ATP10B: variants seen among roughly 807,000 people sequenced by gnomAD.
The protein encoded by ATP10B is ATPase phospholipid transporting 10B (putative), also known as phospholipid-transporting ATPase VB.
ATP10B carries 122 observed loss-of-function variants against 141.2 expected under a neutral mutation model. The ratio of observed to expected loss-of-function variants is 0.86; its 90% confidence interval spans 0.75 to 1.00. The LOEUF (loss-of-function observed/expected upper bound fraction) is 1.00, where lower values mean the gene tolerates loss of function less well. Among genes scored for constraint, ATP10B ranks in the 50% least tolerant of loss-of-function variants. The pLI is 0.00. For missense variants in ATP10B, 1,876 were observed against 1,825.3 expected, an observed-to-expected ratio of 1.03 and a Z score of -0.51; for synonymous variants, 685 against 692.0, an observed-to-expected ratio of 0.99 and a Z score of 0.16.
At chr5:160,817,427 A>C (rs1157877461) in intron 1 of ATP10B, among the ~76,000 whole-genome samples, 1 of 152,224 alleles carries the variant, frequency 6.6e-6, no homozygotes, top group Non-Finnish European at 1.5e-5. Flanking sequence ...TAAAATACCT[A>C]GGAATCCAAC....
Position 160,617,941 on chromosome 5 carries a change from T to C in ATP10B, c.2449A>G (p.Lys817Glu), listed in dbSNP as rs753787811. ...TGCTTTTGGGTCCGGGCTCGGATTT[T>C]TCTCAGCTTCTTTTCCATATTAATG... Reference protein sequence around the residue: ...PDINMEKKLRKIRARTQKHLD... With the variant: ...PDINMEKKLREIRARTQKHLD... Residue 817 changes from lysine (K) to glutamate (E), a missense_variant, in exon 16 of 26, where the codon AAA (lysine) becomes GAA (glutamate). Transcript: ENST00000327245. 2 of 1,614,090 alleles carry C rather than the reference T, an allele frequency of 1.2e-6. No homozygotes were observed. Among genetic ancestry groups the C allele is most frequent in the African/African-American group, 1.3e-5 (1 of 74,942 alleles).
At chr5:160,715,864 C>T (rs1765615658) in intron 3 of ATP10B, among the ~76,000 whole-genome samples, 1 of 152,026 alleles carries the variant, frequency 6.6e-6, no homozygotes, top group South Asian at 2.1e-4. Flanking sequence ...GTGCCTACCA[C>T]TACGCCTGGC....
intron 1 of ATP10B, among the ~76,000 whole-genome samples, chr5:160,825,843 G>T (rs1774561529): frequency 6.6e-6 from 1 of 152,058 alleles, no homozygotes. Flanking sequence ...AGTGTCTATT[G>T]TTCCCATGTT....
In ATP10B at chr5:160,688,760, C is replaced by T; in HGVS notation, c.-21G>A. 2 of 985,376 alleles carry T rather than the reference C, an allele frequency of 2.0e-6. No homozygotes were observed. Among genetic ancestry groups the T allele is most frequent in the Non-Finnish European group, 2.4e-6 (2 of 829,926 alleles). 61.0% of individuals were successfully genotyped at this position (985,376 alleles called of 1,614,324 possible). On this transcript the variant is annotated splice_region_variant and 5_prime_UTR_variant, in exon 4 of 26. Coordinates refer to ENST00000327245, the MANE Select transcript of ATP10B (RefSeq NM_025153.3). ...CTGATGACATTTTCCAGAAACTCACCTGTGGCCGGAACCTCAAAGGAGAGT... is the reference window on the plus strand; with the variant it reads ...CTGATGACATTTTCCAGAAACTCACTTGTGGCCGGAACCTCAAAGGAGAGT...
intron 8 of ATP10B, among the ~76,000 whole-genome samples, chr5:160,645,766 T>C (rs545356719): frequency 6.6e-6 from 1 of 152,332 alleles, no homozygotes; most frequent in South Asian, 2.1e-4. Context: ...AGCTCTTTTT[T>C]AAACGTGTTG....
At chr5:160,766,521 T>C (rs1444062657) in intron 2 of ATP10B, among the ~76,000 whole-genome samples, 2 of 152,192 alleles carry the variant, frequency 1.3e-5, no homozygotes, top group African/African-American at 4.8e-5. Flanking sequence ...ATGTTCTCAC[T>C]TATAAGTGGG....
chr5:160,688,300 A>C (rs1174251998), intron 4 of ATP10B, among the ~76,000 whole-genome samples: 3 of 152,202 alleles, frequency 2.0e-5, no homozygotes, highest in Non-Finnish European at 4.4e-5. Flanking sequence ...TTAGAGTCAT[A>C]AGGATTTTGT....
intron 1 of ATP10B, among the ~76,000 whole-genome samples, chr5:160,814,797 C>T (rs955004833): frequency 4.4e-5 from 6 of 137,050 alleles, no homozygotes; most frequent in Non-Finnish European, 1.0e-4. Context: ...TCAGCAGAAA[C>T]TCTACAAGCC....
At chr5:160,655,307 T>C (rs117692858) in intron 7 of ATP10B, among the ~76,000 whole-genome samples, 5,077 of 151,914 alleles carry the variant, frequency 0.033, 121 homozygotes, top group East Asian at 0.091. Context: ...TTTTGGCCAC[T>C]CCCTCTATGA....
chr5:160,782,373 G>A (rs771839123), intron 2 of ATP10B, among the ~76,000 whole-genome samples: 6 of 150,288 alleles, frequency 4.0e-5, no homozygotes, highest in South Asian at 4.2e-4. Flanking sequence ...GTAACAACTC[G>A]GTGTAAAAAT....
intron 3 of ATP10B, chr5:160,691,950 T>C (rs2127751352): frequency 6.6e-6 from 1 of 152,378 alleles, no homozygotes; most frequent in East Asian, 1.9e-4. Flanking sequence ...TTCATGGATT[T>C]CTTTTTTACT....
the ATP10B span, among the ~76,000 whole-genome samples, chr5:160,898,578 A>T: frequency 1.3e-5 from 2 of 152,206 alleles, no homozygotes; most frequent in African/African-American, 4.8e-5. Flanking sequence ...ATTGTGGAAG[A>T]CAGTGTGACG....
chr5:160,851,070 A>T (rs1753777090), intron 1 of ATP10B, among the ~76,000 whole-genome samples: 2 of 152,206 alleles, frequency 1.3e-5, no homozygotes, highest in Non-Finnish European at 2.9e-5. Flanking sequence ...ACTGTGGAAG[A>T]AGGAAGTAGC....
upstream of ATP10B, among the ~76,000 whole-genome samples, chr5:160,855,169 C>G (rs1452324499): frequency 6.6e-6 from 1 of 151,902 alleles, no homozygotes; most frequent in Non-Finnish European, 1.5e-5. Context: ...TATTTTAATC[C>G]TAGATGTATT....
At chr5:160,759,497 GA>G (rs1337024785) in intron 2 of ATP10B, among the ~76,000 whole-genome samples, 1 of 152,088 alleles carries the variant, frequency 6.6e-6, no homozygotes, top group Non-Finnish European at 1.5e-5. Context: ...GAAAATAAAT[GA>G]ACAATTTTTT....
chr5:160,825,801 C>T (rs1481439048), intron 1 of ATP10B, among the ~76,000 whole-genome samples: 2 of 152,126 alleles, frequency 1.3e-5, no homozygotes, highest in African/African-American at 4.8e-5. Flanking sequence ...CTCCTCTTCC[C>T]ACCTCCGCCC....
chr5:160,653,110 C>A (rs1349842726), intron 7 of ATP10B, among the ~76,000 whole-genome samples: 1 of 120,404 alleles, frequency 8.3e-6, no homozygotes. Context: ...GTATATATAA[C>A]ATATACATGT....
intron 2 of ATP10B, among the ~76,000 whole-genome samples, chr5:160,720,010 T>G (rs1032228370): frequency 7.2e-5 from 11 of 152,348 alleles, no homozygotes; most frequent in South Asian, 2.1e-4. Flanking sequence ...AGGAAAGAAG[T>G]TGCATTTCTT....
chr5:160,721,656 G>A (rs988603841), intron 2 of ATP10B, among the ~76,000 whole-genome samples: 19 of 152,186 alleles, frequency 1.2e-4, no homozygotes, highest in African/African-American at 4.3e-4. Flanking sequence ...AAGCTGATGA[G>A]TGGGTTCCTA....
Sources: gnomAD v4.1 joint callset for allele counts (sites outside exome capture counted in the v4.1 genomes callset) on GRCh38, gnomAD v4.1.1 for gene constraint, MANE v1.5 for transcripts, NCBI Gene and HGNC (gene_info 2026-07-23, HGNC 2026-07-21) for gene names.